LRRCC1: variants seen among roughly 807,000 people sequenced by gnomAD.
The protein encoded by LRRCC1 is leucine-rich repeat and coiled-coil domain-containing protein 1.
A neutral mutation model predicts 126.0 loss-of-function variants in LRRCC1; 115 were observed. That is an observed-to-expected ratio of 0.91 (90% CI 0.78 to 1.07). LRRCC1 has a LOEUF of 1.07. Among genes scored for constraint, LRRCC1 ranks in the 50% least tolerant of loss-of-function variants. The probability of loss-of-function intolerance (pLI) is 0.00; values close to 1 mark genes in which losing one functional copy is unlikely to be tolerated. For missense variants in LRRCC1, 1,172 were observed against 1,175.7 expected (o/e 1.00, Z 0.05); for synonymous variants, 400 against 393.4 (o/e 1.02, Z -0.20).
chr8:85,111,532 T>C (rs1808719454), intron 3 of LRRCC1, among the ~76,000 whole-genome samples: 1 of 152,200 alleles, frequency 6.6e-6, no homozygotes, highest in Non-Finnish European at 1.5e-5. Context: ...AAGATCACTA[T>C]ATGGAACAGT....
intron 7 of LRRCC1, among the ~76,000 whole-genome samples, 170 bp from the exon 8 acceptor site, chr8:85,124,622 A>G (rs998261965): frequency 2.0e-5 from 3 of 152,186 alleles, no homozygotes; most frequent in African/African-American, 4.8e-5. Context: ...TCATTAATCA[A>G]CAGAGCACAC....
intron 9 of LRRCC1, among the ~76,000 whole-genome samples, chr8:85,127,619 G>T (rs571975949): frequency 6.6e-6 from 1 of 152,128 alleles, no homozygotes; most frequent in African/African-American, 2.4e-5. Context: ...GATGTACACA[G>T]TTCACAGCCC....
At chr8:85,109,854 A>T in intron 2 of LRRCC1, 54 bp downstream of exon 2, 1 of 919,510 alleles carries the variant, frequency 1.1e-6, no homozygotes, top group African/African-American at 1.7e-5. Context: ...ATTTAGGTCC[A>T]TTTTTTTCCC....
intron 14 of LRRCC1, 61 bp downstream of exon 14, chr8:85,136,024 T>TA (rs1432544418): frequency 5.2e-6 from 7 of 1,352,420 alleles, no homozygotes; most frequent in Non-Finnish European, 6.8e-6. Flanking sequence ...CAAATCTGGG[T>TA]ATTGGAGAGA....
At chr8:85,142,086 G>A (rs987372124) in intron 18 of LRRCC1, among the ~76,000 whole-genome samples, 10 of 152,088 alleles carry the variant, frequency 6.6e-5, no homozygotes, top group African/African-American at 2.4e-4. Context: ...ATGAGGTTAG[G>A]AGATCAAGAC....
chr8:85,137,558 T>C lies in LRRCC1; in HGVS notation c.2424T>C (p.Asp808=), dbSNP rs760444672. 6.4e-7 allele frequency: 1 copy of C among 1,553,416 alleles called. No individual in the cohort carries two copies. Among genetic ancestry groups the C allele is most frequent in the Non-Finnish European group, 8.7e-7 (1 of 1,154,696 alleles). The part of the protein sequence containing the change: ...NECLRKTNES[D]SDALRIKCKI... Reference sequence around the variant, plus strand: ...GTCTGCGAAAGACAAATGAAAGTGATAGTGATGCATTAAGAATAAAGTGCA... The same window carrying C: ...GTCTGCGAAAGACAAATGAAAGTGACAGTGATGCATTAAGAATAAAGTGCA... Residue 808 remains aspartate, a synonymous_variant, in exon 15 of 19, where the codon GAT becomes GAC. Coordinates refer to ENST00000360375, the MANE Select transcript of LRRCC1 (RefSeq NM_033402.5).
In LRRCC1 at chr8:85,145,742, A is replaced by G. The variant is rs933070095; in HGVS notation, c.*231A>G. 9.5e-5 allele frequency: 25 copies of G among 263,812 alleles called. No individual in the cohort carries two copies. Among genetic ancestry groups the G allele is most frequent in the African/African-American group, 5.7e-4 (25 of 44,244 alleles). 16.3% of individuals were successfully genotyped at this position (263,812 alleles called of 1,614,324 possible). ...AAAAACTATCATAACTAGACTTACA[A>G]TATTTTTCTTGTTTCTGTACTATAC... On this transcript the variant is annotated 3_prime_UTR_variant, in exon 19 of 19. Transcript: ENST00000360375.
chr8:85,133,141 A>G (rs1375642677), intron 12 of LRRCC1, among the ~76,000 whole-genome samples: 1 of 152,188 alleles, frequency 6.6e-6, no homozygotes, highest in Non-Finnish European at 1.5e-5. Flanking sequence ...CTCTACTAGC[A>G]TTGCGCTATC....
chr8:85,121,740 G>T (rs113462387), intron 6 of LRRCC1, among the ~76,000 whole-genome samples: 96 of 152,186 alleles, frequency 6.3e-4, no homozygotes, highest in African/African-American at 7.9e-4. Context: ...TCATATGTTG[G>T]TTTTTTAGTC....
chr8:85,136,816 A>C (rs546383786), intron 14 of LRRCC1, among the ~76,000 whole-genome samples: 1 of 152,078 alleles, frequency 6.6e-6, no homozygotes, highest in East Asian at 1.9e-4. Context: ...TAAAATTATG[A>C]ATAGCTAGAT....
chr8:85,145,509 T>C lies in LRRCC1; in HGVS notation c.3097T>C (p.Ter1033ArgextTer3), dbSNP rs1400339216. The C allele has an allele frequency of 3.2e-6, 5 of 1,578,554 alleles. No individual in the cohort carries two copies. Among genetic ancestry groups the C allele is most frequent in the Non-Finnish European group, 4.3e-6 (5 of 1,169,094 alleles). ...TTTAAATGAAATTCAGCAAGATATG[T>C]GATGGTTCTGAGAATGAATTTAATT... Reference protein sequence around the residue: ...FALNEIQQDM* With the variant: ...FALNEIQQDMR The change falls in exon 19 of 19, where the codon TGA becomes CGA. Residue 1033 changes from the stop codon to arginine (R), a stop_lost. Coordinates refer to ENST00000360375, the MANE Select transcript of LRRCC1 (RefSeq NM_033402.5).
intron 6 of LRRCC1, among the ~76,000 whole-genome samples, chr8:85,122,028 A>G (rs1809601020): frequency 6.6e-6 from 1 of 152,010 alleles, no homozygotes; most frequent in African/African-American, 2.4e-5. Flanking sequence ...TTTATTCTTA[A>G]TGGACTTTTT....
intron 6 of LRRCC1, among the ~76,000 whole-genome samples, 178 bp downstream of exon 6, chr8:85,115,762 A>G (rs1246680083): frequency 6.6e-6 from 1 of 152,106 alleles, no homozygotes; most frequent in Non-Finnish European, 1.5e-5. Context: ...AGTAAAAGGT[A>G]ACATAAATTT....
chr8:85,113,175 G>A (rs182621487), intron 4 of LRRCC1, 76 bp downstream of exon 4: 114 of 1,134,132 alleles, frequency 1.0e-4, no homozygotes, highest in Non-Finnish European at 1.4e-4. Flanking sequence ...ATTGGCATTC[G>A]TGACCTCATT....
intron 9 of LRRCC1, among the ~76,000 whole-genome samples, chr8:85,127,518 C>T (rs1159496032): frequency 2.0e-5 from 3 of 152,146 alleles, no homozygotes; most frequent in Non-Finnish European, 4.4e-5. Flanking sequence ...TTGACATTTG[C>T]TAACACACTT....
intron 4 of LRRCC1, 80 bp from the exon 5 acceptor site, chr8:85,115,020 G>T: frequency 9.2e-7 from 1 of 1,087,812 alleles, no homozygotes. Context: ...GTATCTGGTA[G>T]CTGATAAATT....
intron 12 of LRRCC1, among the ~76,000 whole-genome samples, chr8:85,133,726 C>G (rs1304585401): frequency 6.6e-6 from 1 of 152,192 alleles, no homozygotes; most frequent in Non-Finnish European, 1.5e-5. Context: ...CTTACCACCT[C>G]TAACACAGCC....
chr8:85,133,457 ATC>A (rs1192671444), intron 12 of LRRCC1, among the ~76,000 whole-genome samples: 1 of 152,182 alleles, frequency 6.6e-6, no homozygotes, highest in African/African-American at 2.4e-5. Flanking sequence ...GCATCATTAT[ATC>A]TCCAGCCTGG....
At chr8:85,108,605 G>A (rs1808450732) in intron 1 of LRRCC1, 1 of 152,164 alleles carries the variant, frequency 6.6e-6, no homozygotes, top group South Asian at 2.1e-4. Flanking sequence ...AACAGCATAA[G>A]GTCTGGCACT....
Sources: allele counts gnomAD v4.1 joint callset (sites outside exome capture counted in the v4.1 genomes callset), GRCh38; gene constraint gnomAD v4.1.1; transcripts MANE v1.5; gene names NCBI Gene and HGNC (gene_info 2026-07-23, HGNC 2026-07-21).